Variants in RALA observed in about 807,000 individuals in gnomAD.
The protein encoded by RALA is ras-related protein Ral-A.
In RALA, 5 loss-of-function variants were observed where a neutral mutation model predicts 24.0. That is an observed-to-expected ratio of 0.21 (90% CI 0.11 to 0.44). The LOEUF (loss-of-function observed/expected upper bound fraction) is 0.44. RALA is among the 20% of genes least tolerant of loss of function. The pLI is 0.99. For synonymous variants in RALA, 77 were observed against 83.8 expected (o/e 0.92, Z 0.44); for missense variants, 95 against 241.2 (o/e 0.39, Z 4.01).
At chr7:39,701,679 A>G (rs1793030043) in intron 4 of RALA, among the ~76,000 whole-genome samples, 1 of 152,214 alleles carries the variant, frequency 6.6e-6, no homozygotes, top group African/African-American at 2.4e-5. Context: ...AGCTCTCCAT[A>G]AGATCATTGG....
chr7:39,633,096 G>A (rs552652171), intron 1 of RALA, among the ~76,000 whole-genome samples: 1 of 152,240 alleles, frequency 6.6e-6, no homozygotes, highest in South Asian at 2.1e-4. Flanking sequence ...TGAAAATCTA[G>A]GGATTCCCTT....
intron 1 of RALA, among the ~76,000 whole-genome samples, chr7:39,673,216 A>G (rs1792420520): frequency 6.6e-6 from 1 of 152,146 alleles, no homozygotes; most frequent in Non-Finnish European, 1.5e-5. Context: ...ATCTTCACAA[A>G]TTTTATGGTG....
chr7:39,680,587 A>C (rs1226157186), intron 1 of RALA, among the ~76,000 whole-genome samples: 2 of 151,476 alleles, frequency 1.3e-5, no homozygotes, highest in Non-Finnish European at 2.9e-5. Flanking sequence ...AAAAAAAAAA[A>C]GATTAAAAAA....
chr7:39,651,023 G>A (rs1792009892), intron 1 of RALA, among the ~76,000 whole-genome samples: 1 of 152,196 alleles, frequency 6.6e-6, no homozygotes, highest in African/African-American at 2.4e-5. Context: ...CTTTGGAAGT[G>A]ACATGCCTTT....
intron 1 of RALA, among the ~76,000 whole-genome samples, chr7:39,662,729 C>G (rs988819729): frequency 2.0e-5 from 3 of 152,214 alleles, no homozygotes; most frequent in Admixed American, 2.0e-4. Flanking sequence ...GACTTTCCCA[C>G]ATTTTCCTGT....
chr7:39,691,761 T>A (rs1017690023), intron 3 of RALA, among the ~76,000 whole-genome samples: 4 of 152,164 alleles, frequency 2.6e-5, no homozygotes, highest in Admixed American at 2.0e-4. Flanking sequence ...AGGAAGAAAT[T>A]TCATATATGA....
intron 1 of RALA, among the ~76,000 whole-genome samples, chr7:39,645,097 A>G (rs927325857): frequency 1.3e-5 from 2 of 152,206 alleles, no homozygotes; most frequent in African/African-American, 4.8e-5. Flanking sequence ...AAAAGTGTGA[A>G]GTGTCCTTTG....
intron 1 of RALA, among the ~76,000 whole-genome samples, chr7:39,665,638 C>T (rs10231409): frequency 0.43 from 63,996 of 150,054 alleles, 14,276 homozygotes; most frequent in Non-Finnish European, 0.49. Context: ...ATAAATGAGA[C>T]TGCAATGTAG....
chr7:39,676,358 A>G (rs1792487478), intron 1 of RALA, among the ~76,000 whole-genome samples: 1 of 152,102 alleles, frequency 6.6e-6, no homozygotes, highest in South Asian at 2.1e-4. Flanking sequence ...GACTCTCACA[A>G]CTTTTACCAG....
intron 1 of RALA, among the ~76,000 whole-genome samples, chr7:39,670,396 C>G (rs1792359458): frequency 6.6e-6 from 1 of 152,214 alleles, no homozygotes; most frequent in African/African-American, 2.4e-5. Flanking sequence ...ATCCTCCCAC[C>G]TCAGCCTCCC....
At chr7:39,699,638 C>T (rs1792987906) in intron 4 of RALA, among the ~76,000 whole-genome samples, 1 of 152,174 alleles carries the variant, frequency 6.6e-6, no homozygotes, top group African/African-American at 2.4e-5. Flanking sequence ...ATCAGATGAT[C>T]TTCAATTATA....
Position 39,667,200 on chromosome 7 carries a change from C to T in RALA, c.-37-19431C>T, listed in dbSNP as rs7776763. On this transcript the variant is annotated intron_variant, in intron 1 of 4. Coordinates refer to ENST00000005257, the MANE Select transcript of RALA (RefSeq NM_005402.4). ...ACTCAGGCTAATTTTAATTGAATGT[C>T]TTGGAATTTTTTTTATACTTTCTAA... Among the ~76,000 whole-genome samples the T allele has an allele frequency of 5.3e-5, 8 of 152,238 alleles. No individual in the cohort carries two copies. In the East Asian group the frequency reaches 1.5e-3, roughly 29 times the overall value.
chr7:39,705,965 A>G (rs529565653), intron 4 of RALA, among the ~76,000 whole-genome samples, 158 bp from the exon 5 acceptor site: 2 of 152,192 alleles, frequency 1.3e-5, no homozygotes, highest in Admixed American at 6.5e-5. Context: ...ATACTAGGAA[A>G]ATCAGGCTTT....
At chr7:39,677,077 G>A (rs538040172) in intron 1 of RALA, among the ~76,000 whole-genome samples, 8 of 152,196 alleles carry the variant, frequency 5.3e-5, no homozygotes, top group African/African-American at 1.9e-4. Context: ...TTTGAGTTTG[G>A]CTAAAGTAGA....
intron 3 of RALA, among the ~76,000 whole-genome samples, chr7:39,690,945 C>T (rs1362275705): frequency 6.6e-6 from 1 of 152,162 alleles, no homozygotes; most frequent in African/African-American, 2.4e-5. Context: ...TCAGGTTTTA[C>T]ATCTTTCTCT....
At chr7:39,638,897 T>G (rs1184058974) in intron 1 of RALA, among the ~76,000 whole-genome samples, 6 of 152,250 alleles carry the variant, frequency 3.9e-5, no homozygotes, top group Non-Finnish European at 7.3e-5. Context: ...AGAGTAATTA[T>G]TGGGTTGTAT....
At chr7:39,655,268 A>G (rs912242744) in intron 1 of RALA, among the ~76,000 whole-genome samples, 1 of 152,268 alleles carries the variant, frequency 6.6e-6, no homozygotes, top group African/African-American at 2.4e-5. Flanking sequence ...AATGAGCTAT[A>G]GATACAAGCA....
At chr7:39,637,632 A>G (rs1791706402) in intron 1 of RALA, among the ~76,000 whole-genome samples, 1 of 152,252 alleles carries the variant, frequency 6.6e-6, no homozygotes, top group Admixed American at 6.5e-5. Context: ...TACACCAACT[A>G]TGTGCTTCTT....
At chr7:39,672,313 A>G (rs1039235093) in intron 1 of RALA, among the ~76,000 whole-genome samples, 2 of 152,228 alleles carry the variant, frequency 1.3e-5, no homozygotes, top group Non-Finnish European at 2.9e-5. Context: ...AGAGCTCAAC[A>G]TGATTAGTTA....
Sources: allele counts gnomAD v4.1 joint callset (sites outside exome capture counted in the v4.1 genomes callset), GRCh38; gene constraint gnomAD v4.1.1; transcripts MANE v1.5; gene names NCBI Gene and HGNC (gene_info 2026-07-23, HGNC 2026-07-21).